The following ABCC3 variants were observed in gnomAD, a reference collection of about 807,000 sequenced individuals.
ABCC3 encodes ATP binding cassette subfamily C member 3.
A neutral mutation model predicts 165.3 loss-of-function variants in ABCC3; 121 were observed. The ratio of observed to expected loss-of-function variants is 0.73; its 90% confidence interval spans 0.63 to 0.85. The LOEUF (loss-of-function observed/expected upper bound fraction) is 0.85, where lower values mean the gene tolerates loss of function less well. Ranked by LOEUF, ABCC3 falls within the 40% of genes least tolerant of loss-of-function variation. The probability of loss-of-function intolerance (pLI) is 0.00; values close to 1 mark genes in which losing one functional copy is unlikely to be tolerated. For synonymous variants in ABCC3, 733 were observed against 810.1 expected (o/e 0.90, Z 1.62); for missense variants, 1,869 against 1,964.1 (o/e 0.95, Z 0.92).
chr17:50,655,404 C>CAAAAAAAAAAAAAAAAAAAAAAAAAAA (rs58586394), intron 1 of ABCC3, among the ~76,000 whole-genome samples: 1 of 56,534 alleles, frequency 1.8e-5, no homozygotes, highest in African/African-American at 7.0e-5. Flanking sequence ...GACTCTGTCT[C>CAAAAAAAAAAAAAAAAAAAAAAAAAAA]AAAAAAAAAA....
intron 1 of ABCC3, among the ~76,000 whole-genome samples, chr17:50,640,561 C>T (rs2054219032): frequency 6.6e-6 from 1 of 152,238 alleles, no homozygotes; most frequent in African/African-American, 2.4e-5. Flanking sequence ...CTCTGCCACC[C>T]TGGCTGGAGT....
At chr17:50,673,865 G>A (rs1967704310) in intron 19 of ABCC3, among the ~76,000 whole-genome samples, 1 of 150,396 alleles carries the variant, frequency 6.6e-6, no homozygotes, top group African/African-American at 2.5e-5. Context: ...CCTAACTGTG[G>A]GAACTCAGAT....
chr17:50,666,412 G>T (rs1411113804), intron 11 of ABCC3, among the ~76,000 whole-genome samples: 1 of 152,064 alleles, frequency 6.6e-6, no homozygotes, highest in South Asian at 2.1e-4. Flanking sequence ...CAGAGGTTGC[G>T]GTGAGCCAAG....
At chr17:50,636,957 C>T (rs533558259) in intron 1 of ABCC3, among the ~76,000 whole-genome samples, 65 of 152,252 alleles carry the variant, frequency 4.3e-4, no homozygotes, top group African/African-American at 1.5e-3. Flanking sequence ...GCTGGGAAAC[C>T]GGACCCCGGG....
intron 11 of ABCC3, among the ~76,000 whole-genome samples, chr17:50,666,974 C>A (rs1159661052): frequency 2.0e-5 from 3 of 152,214 alleles, no homozygotes; most frequent in African/African-American, 7.2e-5. Flanking sequence ...AATCCCAGCA[C>A]TTGGGGAGGC....
chr17:50,641,271 T>C (rs1040364097), intron 1 of ABCC3, among the ~76,000 whole-genome samples: 3 of 152,226 alleles, frequency 2.0e-5, no homozygotes, highest in Non-Finnish European at 4.4e-5. Context: ...CTGTTGTTGC[T>C]GTGGAAACTG....
At chr17:50,673,983 TCTCTCTCTCTCTCTC>T (rs1967729046) in intron 19 of ABCC3, among the ~76,000 whole-genome samples, 3 of 4,956 alleles carry the variant, frequency 6.1e-4, no homozygotes, top group African/African-American at 1.2e-3. Flanking sequence ...TTTCTTTCTC[TCTCTCTCTCTCTCTC>T]TCTCTCTCTC....
At chr17:50,655,027 G>A (rs916036975) in intron 1 of ABCC3, among the ~76,000 whole-genome samples, 2 of 149,192 alleles carry the variant, frequency 1.3e-5, no homozygotes, top group African/African-American at 5.0e-5. Flanking sequence ...GTGAACCTGG[G>A]AGGCGGAGTT....
chr17:50,674,539 A>G (rs1317432557), intron 19 of ABCC3: 1 of 152,206 alleles, frequency 6.6e-6, no homozygotes, highest in Admixed American at 6.5e-5. Flanking sequence ...TCCAGACACT[A>G]AGCTATAGCA....
chr17:50,658,008 G>T, intron 4 of ABCC3, 74 bp from the exon 5 acceptor site: 1 of 1,605,680 alleles, frequency 6.2e-7, no homozygotes, highest in Non-Finnish European at 8.5e-7. Flanking sequence ...GATGCCCCAA[G>T]GGACTCCGCA....
intron 1 of ABCC3, chr17:50,635,528 A>C: frequency 1.4e-6 from 1 of 702,506 alleles, no homozygotes; most frequent in Non-Finnish European, 2.6e-6. Flanking sequence ...TCTAGGTAAG[A>C]CTGAGGTCTG....
At position 50,673,541 on chromosome 17, in the gene ABCC3, C is replaced by CA; in HGVS notation, c.2483dup (p.Val829GlyfsTer3). 6.2e-7 allele frequency: 1 copy of CA among 1,614,204 alleles called. No individual in the cohort carries two copies. The highest frequency in any genetic ancestry group is 8.5e-7 in the Non-Finnish European group (1 of 1,180,036). On this transcript the variant is annotated frameshift_variant, in exon 19 of 31. Coordinates refer to ENST00000285238, the MANE Select transcript of ABCC3 (RefSeq NM_003786.4). LOFTEE classifies it high-confidence loss of function. Reference sequence around the variant, plus strand: ...CTTCATCATTGTGCTAGCTGATGGACAGGTGTCTGAGATGGGCCCGTACCC... The same window carrying CA: ...CTTCATCATTGTGCTAGCTGATGGACAAGGTGTCTGAGATGGGCCCGTACCC...
chr17:50,646,446 G>A (rs1967003641), intron 1 of ABCC3, among the ~76,000 whole-genome samples: 1 of 152,150 alleles, frequency 6.6e-6, no homozygotes, highest in African/African-American at 2.4e-5. Context: ...TGGAGATTTG[G>A]GGAGCAATGA....
At chr17:50,676,178 G>A (rs1967801605) in intron 22 of ABCC3, 88 bp downstream of exon 22, 1 of 1,594,530 alleles carries the variant, frequency 6.3e-7, no homozygotes, top group Non-Finnish European at 8.6e-7. Context: ...TTGCATCCAA[G>A]CCTCCCTAAC....
At chr17:50,643,782 T>G in intron 1 of ABCC3, 1 of 370,338 alleles carries the variant, frequency 2.7e-6, no homozygotes, top group Non-Finnish European at 5.5e-6. Flanking sequence ...AGAGCAGATT[T>G]AGGATGAAGT....
intron 19 of ABCC3, among the ~76,000 whole-genome samples, chr17:50,673,980 C>CTTTCTTTCCTTCCTTTCTTTCTTTCTT (rs1967725765): frequency 1.1e-4 from 1 of 9,414 alleles, no homozygotes; most frequent in Non-Finnish European, 1.8e-4. Flanking sequence ...TTCTTTCTTT[C>CTTTCTTTCCTTCCTTTCTTTCTTTCTT]TCTCTCTCTC....
chr17:50,635,256 G>C, intron 1 of ABCC3: 1 of 625,858 alleles, frequency 1.6e-6, no homozygotes, highest in Non-Finnish European at 2.9e-6. Context: ...GCGCGGCTGG[G>C]GCGCAAAGGC....
At position 50,657,140 on chromosome 17, in the gene ABCC3, C is replaced by G. The variant is rs748346809; in HGVS notation, c.443C>G (p.Ala148Gly). ...IIFWFLCVVC[A>G]IVPFRSKILL... is the part of the protein sequence containing the mutation. ...TTCTGGTTCCTGTGTGTGGTCTGCG[C>G]CATCGTCCCATTCCGCTCCAAGATC... The change falls in exon 4 of 31, where the codon GCC becomes GGC. Residue 148 changes from alanine (A) to glycine (G), a missense_variant. Ala to Gly is a moderately conservative substitution (Grantham distance 60). Coordinates refer to ENST00000285238, the MANE Select transcript of ABCC3 (RefSeq NM_003786.4). 2 of 1,614,150 alleles carry G rather than the reference C, an allele frequency of 1.2e-6. No individual in the cohort carries two copies. The highest frequency in any genetic ancestry group is 2.2e-5 in the East Asian group (1 of 44,878).
At chr17:50,685,308 AAAG>A (rs1968005352) in intron 29 of ABCC3, among the ~76,000 whole-genome samples, 1 of 152,232 alleles carries the variant, frequency 6.6e-6, no homozygotes, top group African/African-American at 2.4e-5. Context: ...TACTGAGTCT[AAAG>A]GTTGGAGATA....
Sources: allele counts gnomAD v4.1 joint callset (sites outside exome capture counted in the v4.1 genomes callset), GRCh38; gene constraint gnomAD v4.1.1; transcripts MANE v1.5; gene names NCBI Gene and HGNC (gene_info 2026-07-23, HGNC 2026-07-21).